Variants in DLGAP2 observed in about 807,000 individuals in gnomAD.
DLGAP2 encodes the protein disks large-associated protein 2.
In DLGAP2, 26 loss-of-function variants were observed where a neutral mutation model predicts 100.3. The observed-to-expected ratio is 0.26, with a 90% CI of 0.19 to 0.36. DLGAP2 has a LOEUF of 0.36. Among genes scored for constraint, DLGAP2 ranks in the 10% least tolerant of loss-of-function variants. DLGAP2 has a pLI of 1.00. For missense variants in DLGAP2, 1,858 were observed against 1,453.2 expected, an observed-to-expected ratio of 1.28 and a Z score of -4.53; for synonymous variants, 886 against 630.1, an observed-to-expected ratio of 1.41 and a Z score of -6.08.
At chr8:1,425,175 T>TA (rs1173676217) in intron 3 of DLGAP2, among the ~76,000 whole-genome samples, 2 of 152,248 alleles carry the variant, frequency 1.3e-5, no homozygotes, top group African/African-American at 2.4e-5. Flanking sequence ...AAATTATGCC[T>TA]AACTCCATAG....
intron 2 of DLGAP2, among the ~76,000 whole-genome samples, chr8:1,055,633 C>T (rs1290662967): frequency 6.6e-6 from 1 of 152,202 alleles, no homozygotes; most frequent in Non-Finnish European, 1.5e-5. Flanking sequence ...GGGTAGGACG[C>T]TGGAAACAGC....
chr8:1,628,947 G>C (rs960933867), intron 7 of DLGAP2, among the ~76,000 whole-genome samples: 1 of 152,218 alleles, frequency 6.6e-6, no homozygotes, highest in Non-Finnish European at 1.5e-5. Flanking sequence ...GATGCTATTA[G>C]GCAAAGAGTC....
At chr8:1,336,015 A>G (rs2117069835) in intron 3 of DLGAP2, among the ~76,000 whole-genome samples, 1 of 152,240 alleles carries the variant, frequency 6.6e-6, no homozygotes, top group East Asian at 1.9e-4. Context: ...GGAAAACATC[A>G]CAATATAAAG....
chr8:1,062,736 T>TG (rs1803124345), intron 2 of DLGAP2, among the ~76,000 whole-genome samples: 1 of 152,148 alleles, frequency 6.6e-6, no homozygotes, highest in South Asian at 2.1e-4. Context: ...TGGGGGTAGT[T>TG]GGGGGGAGAC....
intron 4 of DLGAP2, among the ~76,000 whole-genome samples, chr8:1,514,087 G>A (rs1280306891): frequency 2.0e-5 from 3 of 152,342 alleles, no homozygotes; most frequent in Admixed American, 1.3e-4. Flanking sequence ...GAAGAGCTAG[G>A]CAGGCATTGG....
Position 1,127,178 on chromosome 8 carries a change from C to T in DLGAP2, c.74-131673C>T, listed in dbSNP as rs1028633804. ...CCCTGTCCCCAACCCAGCTCTTAAACGGTCCTTCTGCTTGTGTTCCTGGAG... is the reference window on the plus strand; with the variant it reads ...CCCTGTCCCCAACCCAGCTCTTAAATGGTCCTTCTGCTTGTGTTCCTGGAG... On this transcript the variant is annotated intron_variant, in intron 2 of 14. Coordinates refer to ENST00000637795, the MANE Select transcript of DLGAP2 (RefSeq NM_001346810.2). 6.6e-5 allele frequency among the ~76,000 whole-genome samples: 10 copies of T among 151,054 alleles called. No homozygotes were observed. In the South Asian group the frequency reaches 1.9e-3, roughly 29 times the overall value.
intron 2 of DLGAP2, among the ~76,000 whole-genome samples, chr8:977,900 G>A: frequency 1.6e-5 from 1 of 64,004 alleles, no homozygotes; most frequent in African/African-American, 5.0e-5. Flanking sequence ...CGGGGATGCA[G>A]TGAGGGGCTG....
intron 3 of DLGAP2, among the ~76,000 whole-genome samples, chr8:1,458,816 C>T (rs1798391816): frequency 6.6e-6 from 1 of 152,190 alleles, no homozygotes; most frequent in Non-Finnish European, 1.5e-5. Flanking sequence ...TGGGAGAAGG[C>T]AGCCGCACAG....
At chr8:1,271,176 AG>A (rs1234366630) in intron 3 of DLGAP2, among the ~76,000 whole-genome samples, 7 of 152,222 alleles carry the variant, frequency 4.6e-5, no homozygotes, top group African/African-American at 1.4e-4. Context: ...ACATGTGAAA[AG>A]GAGAAAATAA....
Position 1,361,655 on chromosome 8 carries a change from C to G in DLGAP2, c.106+102772C>G, listed in dbSNP as rs796407514. On this transcript the variant is annotated intron_variant, in intron 3 of 14. Coordinates refer to ENST00000637795, the MANE Select transcript of DLGAP2 (RefSeq NM_001346810.2). ...AGCATGGGAGCCCCCCTGGGTCTGA[C>G]TATTAGCTTTCTCCATTTACTAAAT... 4.8e-4 allele frequency among the ~76,000 whole-genome samples: 73 copies of G among 152,328 alleles called. 2 individuals carry two copies. Among genetic ancestry groups the G allele is most frequent in the African/African-American group, 1.7e-3 (70 of 41,574 alleles).
intron 2 of DLGAP2, among the ~76,000 whole-genome samples, chr8:1,124,065 A>G (rs1401862357): frequency 6.6e-6 from 1 of 152,166 alleles, no homozygotes; most frequent in Non-Finnish European, 1.5e-5. Flanking sequence ...ACCAAACAGC[A>G]CTGTCCTGGC....
intron 2 of DLGAP2, among the ~76,000 whole-genome samples, chr8:999,465 G>C (rs1382812890): frequency 6.7e-6 from 1 of 150,276 alleles, no homozygotes; most frequent in African/African-American, 2.4e-5. Context: ...TCTTGGTCTT[G>C]TGGTGGTGGT....
chr8:1,586,047 C>G (rs1796108282), intron 6 of DLGAP2, among the ~76,000 whole-genome samples: 1 of 152,220 alleles, frequency 6.6e-6, no homozygotes, highest in African/African-American at 2.4e-5. Flanking sequence ...TTTTCCGTTG[C>G]TGTCATAAAA....
chr8:1,628,572 T>C lies in DLGAP2; in HGVS notation c.1590+1685T>C, dbSNP rs527704170. ...TTACTGTGGAGCAGGGATTAAGAGC[T>C]TGAGCCGACCTCACATTCTCTCTGA... On this transcript the variant is annotated intron_variant, in intron 7 of 14. Transcript: ENST00000637795. Among the ~76,000 whole-genome samples, 157 of 141,826 alleles carry C rather than the reference T, an allele frequency of 1.1e-3. 1 individual carries two copies. Among genetic ancestry groups the C allele is most frequent in the African/African-American group, 2.9e-3 (110 of 37,692 alleles). 93.0% of individuals were successfully genotyped at this position (141,826 alleles called of 152,430 possible). A position where few individuals can be genotyped will look rare whatever the true frequency, so the allele number is the denominator to read the frequency against.
At chr8:1,281,066 G>A (rs192293460) in intron 3 of DLGAP2, among the ~76,000 whole-genome samples, 8 of 152,330 alleles carry the variant, frequency 5.3e-5, no homozygotes, top group Admixed American at 3.3e-4. Flanking sequence ...ATAGTGCCCA[G>A]CTCAGAGAAT....
intron 9 of DLGAP2, 144 bp from the exon 10 acceptor site, chr8:1,669,599 G>T: frequency 1.5e-6 from 1 of 681,990 alleles, no homozygotes. Flanking sequence ...GCGGCCCAGG[G>T]AGGAGGGTGA....
chr8:1,135,442 C>A (rs1338281646), intron 2 of DLGAP2, among the ~76,000 whole-genome samples: 2 of 150,544 alleles, frequency 1.3e-5, no homozygotes, highest in East Asian at 3.9e-4. Context: ...GTTTTAGGAA[C>A]CACGCAGAGA....
At chr8:1,255,476 G>A (rs576815939) in intron 2 of DLGAP2, among the ~76,000 whole-genome samples, 7 of 129,114 alleles carry the variant, frequency 5.4e-5, no homozygotes, top group Non-Finnish European at 9.6e-5. Context: ...CCTGGGTGCT[G>A]TGTGTGTGTG....
intron 8 of DLGAP2, among the ~76,000 whole-genome samples, chr8:1,638,576 A>ATT (rs1365497053): frequency 3.5e-4 from 53 of 152,262 alleles, no homozygotes; most frequent in African/African-American, 1.2e-3. Flanking sequence ...AGCTCCTCAA[A>ATT]TAGCACAGGT....
Sources: gnomAD v4.1 joint callset for allele counts (sites outside exome capture counted in the v4.1 genomes callset) on GRCh38, gnomAD v4.1.1 for gene constraint, MANE v1.5 for transcripts, NCBI Gene and HGNC (gene_info 2026-07-23, HGNC 2026-07-21) for gene names.